The following ERBB2 variants were observed in gnomAD, a reference collection of about 807,000 sequenced individuals.
ERBB2 encodes the protein erb-b2 receptor tyrosine kinase 2.
ERBB2 carries 61 observed loss-of-function variants against 149.0 expected under a neutral mutation model. The observed-to-expected ratio is 0.41, with a 90% CI of 0.33 to 0.51. The LOEUF is 0.51. Ranked by LOEUF, ERBB2 falls within the 20% of genes least tolerant of loss-of-function variation. ERBB2 has a pLI of 0.25. For synonymous variants in ERBB2, 633 were observed against 678.8 expected (o/e 0.93, Z 1.05); for missense variants, 1,205 against 1,655.1 (o/e 0.73, Z 4.72).
chr17:39,700,177 C>A lies in ERBB2; in HGVS notation c.-62C>A. 1 of 1,353,354 alleles carries A rather than the reference C, an allele frequency of 7.4e-7. No individual in the cohort carries two copies. Among genetic ancestry groups the A allele is most frequent in the Non-Finnish European group, 9.4e-7 (1 of 1,059,846 alleles). The allele number at this position is 1,353,354 out of a possible 1,614,324, so 83.8% of individuals were successfully genotyped here. ...GGCCCCCACCCCTCGCAGCACCCCG[C>A]GCCCCGCGCCCTCCCAGCCGGGTCC... On this transcript the variant is annotated 5_prime_UTR_variant, in exon 1 of 27. Transcript: ENST00000269571.
intron 1 of ERBB2, among the ~76,000 whole-genome samples, chr17:39,702,610 A>G (rs1357331585): frequency 2.0e-5 from 3 of 152,254 alleles, no homozygotes; most frequent in Admixed American, 2.0e-4. Context: ...GATCAAATGT[A>G]AAAAGAAAAA....
intron 16 of ERBB2, chr17:39,720,160 G>C: frequency 3.3e-6 from 1 of 303,546 alleles, no homozygotes; most frequent in South Asian, 4.9e-5. Context: ...AGCACTGAGG[G>C]AGTGATGAAT....
At chr17:39,717,259 G>C (rs2145702462) in intron 14 of ERBB2, 61 bp from the exon 15 acceptor site, 1 of 1,433,066 alleles carries the variant, frequency 7.0e-7, no homozygotes, top group Non-Finnish European at 9.5e-7. Flanking sequence ...CTAAGGGCCT[G>C]ATCCTACTGC....
At chr17:39,701,738 C>G (rs909529528) in intron 1 of ERBB2, among the ~76,000 whole-genome samples, 1 of 152,144 alleles carries the variant, frequency 6.6e-6, no homozygotes, top group Admixed American at 6.5e-5. Context: ...TGAACTCTGT[C>G]CTCTGCAGGA....
intron 15 of ERBB2, 51 bp downstream of exon 15, chr17:39,717,531 C>G (rs2145715641): frequency 1.3e-6 from 2 of 1,499,596 alleles, no homozygotes; most frequent in South Asian, 2.5e-5. Flanking sequence ...TTTCAGGGGT[C>G]TTTCTGGGGC....
Position 39,712,036 on chromosome 17 carries a change from C to T in ERBB2, c.1010C>T (p.Pro337Leu). Reference sequence around the variant, plus strand: ...CAGCGGTGTGAGAAGTGCAGCAAGCCCTGTGCCCGAGGTACCCACTCACTG... The same window carrying T: ...CAGCGGTGTGAGAAGTGCAGCAAGCTCTGTGCCCGAGGTACCCACTCACTG... ...GTQRCEKCSK[P>L]CARVCYGLGM... The change falls in exon 8 of 27, where the codon CCC becomes CTC. Residue 337 changes from proline (P) to leucine (L), a missense_variant. By Grantham distance (98) the Pro-to-Leu change is moderately conservative (BLOSUM62 -3). Transcript: ENST00000269571. The T allele has an allele frequency of 6.2e-7, 1 of 1,613,952 alleles. No individual in the cohort carries two copies. The highest frequency in any genetic ancestry group is 8.5e-7 in the Non-Finnish European group (1 of 1,179,964).
At chr17:39,699,842 G>C (rs1158336501), upstream of ERBB2, 2 of 559,302 alleles carry the variant, frequency 3.6e-6, no homozygotes, top group Non-Finnish European at 3.0e-6. Context: ...GTGTGAGAAC[G>C]GCTGCAGGCA....
intron 1 of ERBB2, among the ~76,000 whole-genome samples, chr17:39,701,717 G>A (rs2058121679): frequency 6.6e-6 from 1 of 152,134 alleles, no homozygotes; most frequent in Non-Finnish European, 1.5e-5. Flanking sequence ...TGCTGACTTG[G>A]GGACACAGGC....
chr17:39,697,465 C>T (rs1208314184), upstream of ERBB2, among the ~76,000 whole-genome samples: 1 of 151,380 alleles, frequency 6.6e-6, no homozygotes, highest in Non-Finnish European at 1.5e-5. Flanking sequence ...AAGCGATTCA[C>T]CTGCCTCAGC....
Position 39,716,309 on chromosome 17 carries a change from G to T in ERBB2, c.1522G>T (p.Gly508Cys), listed in dbSNP as rs2145674166. The T allele has an allele frequency of 6.3e-7, 1 of 1,592,674 alleles. No individual in the cohort carries two copies. Among genetic ancestry groups the T allele is most frequent in the Non-Finnish European group, 8.5e-7 (1 of 1,171,512 alleles). The stretch of plus-strand genomic sequence containing the variant: ...CTTCCTCCTCACTGCAGTGGGCGAG[G>T]GCCTGGCCTGCCACCAGCTGTGCGC... ...NRPEDECVGE[G>C]LACHQLCARG... Residue 508 changes from glycine (G) to cysteine (C), a missense_variant, in exon 13 of 27, where the codon GGC becomes TGC. By Grantham distance (159) the Gly-to-Cys change is radical. Transcript: ENST00000269571.
In ERBB2 at chr17:39,717,448, A is replaced by C. The variant is rs753325392; in HGVS notation, c.1866A>C (p.Ala622=). The C allele has an allele frequency of 6.2e-7, 1 of 1,613,364 alleles. No homozygotes were observed. The highest frequency in any genetic ancestry group is 8.5e-7 in the Non-Finnish European group (1 of 1,179,956). ...PIWKFPDEEG[A]CQPCPINCTH... ...GGAAGTTTCCAGATGAGGAGGGCGC[A>C]TGCCAGCCTTGCCCCATCAACTGCA... The change falls in exon 15 of 27, where the codon GCA becomes GCC. Residue 622 remains alanine, a synonymous_variant. Coordinates refer to ENST00000269571, the MANE Select transcript of ERBB2 (RefSeq NM_004448.4).
intron 2 of ERBB2, 86 bp downstream of exon 2, chr17:39,707,227 C>T: frequency 2.5e-6 from 3 of 1,180,390 alleles, no homozygotes; most frequent in Non-Finnish European, 3.4e-6. Flanking sequence ...AGAAGGTGCC[C>T]TGCCCTTCTG....
chr17:39,694,299 ATGTG>A (rs1287942601), upstream of ERBB2, among the ~76,000 whole-genome samples: 6 of 56,312 alleles, frequency 1.1e-4, 1 homozygote, highest in African/African-American at 2.1e-4. Flanking sequence ...ACACATATAT[ATGTG>A]TATATATATA....
intron 9 of ERBB2, among the ~76,000 whole-genome samples, chr17:39,713,744 C>T (rs530554273): frequency 6.9e-6 from 1 of 144,808 alleles, no homozygotes; most frequent in Non-Finnish European, 1.5e-5. Flanking sequence ...CAGAGTGAGA[C>T]CCTGTCTCAA....
chr17:39,708,556 A>G, intron 3 of ERBB2, 22 bp downstream of exon 3: 1 of 1,598,364 alleles, frequency 6.3e-7, no homozygotes, highest in African/African-American at 1.3e-5. Flanking sequence ...CGTCATTGAA[A>G]CCTTCTCTTG....
chr17:39,705,738 C>A (rs1019149771), intron 1 of ERBB2, among the ~76,000 whole-genome samples: 1 of 152,082 alleles, frequency 6.6e-6, no homozygotes, highest in African/African-American at 2.4e-5. Context: ...TCGTATTACC[C>A]CCTAGGATTT....
chr17:39,706,272 G>T (rs2058434501), intron 1 of ERBB2, among the ~76,000 whole-genome samples: 1 of 152,222 alleles, frequency 6.6e-6, no homozygotes, highest in Admixed American at 6.5e-5. Context: ...CCCTGAGGAG[G>T]TGGCCAGGGT....
chr17:39,721,996 G>A (rs1466359737), intron 16 of ERBB2, among the ~76,000 whole-genome samples: 1 of 151,916 alleles, frequency 6.6e-6, no homozygotes, highest in African/African-American at 2.4e-5. Context: ...TTGGCTCACC[G>A]CAACCTCCAC....
In ERBB2 at chr17:39,723,815, T is replaced by TGGTGA; in HGVS notation, c.2209-96_2209-92dup. 6.8e-7 allele frequency: 1 copy of TGGTGA among 1,481,252 alleles called. No individual in the cohort carries two copies. The highest frequency in any genetic ancestry group is 2.3e-5 in the East Asian group (1 of 43,848). 91.8% of individuals were successfully genotyped at this position (1,481,252 alleles called of 1,614,324 possible). ...AAGGGAGCGGGGCCAAGCCCTAGGG[T>TGGTGA]GGTGAAGGATGTTTGGAGGACAAGT... On this transcript the variant is annotated intron_variant, in intron 18 of 26. Coordinates refer to ENST00000269571, the MANE Select transcript of ERBB2 (RefSeq NM_004448.4). This position sits in a 1 kb window ranked among gnomAD's most constrained non-coding sequence, Gnocchi z 6.2.
Sources: gnomAD v4.1 joint callset for allele counts (sites outside exome capture counted in the v4.1 genomes callset) on GRCh38, gnomAD v4.1.1 for gene constraint, Gnocchi (gnomAD v3.1) non-coding constraint, MANE v1.5 for transcripts, NCBI Gene and HGNC (gene_info 2026-07-23, HGNC 2026-07-21) for gene names.